Variants in ATL1 observed in about 807,000 individuals in gnomAD.
ATL1 encodes the protein atlastin GTPase 1.
ATL1 carries 31 observed loss-of-function variants against 75.5 expected under a neutral mutation model. The observed-to-expected ratio is 0.41, with a 90% CI of 0.31 to 0.55. The LOEUF (loss-of-function observed/expected upper bound fraction) is 0.55. ATL1 is among the 20% of genes least tolerant of loss of function. The pLI, the probability that ATL1 is intolerant of heterozygous loss-of-function variation, is 0.27. For missense variants in ATL1, 405 were observed against 662.6 expected, an observed-to-expected ratio of 0.61 and a Z score of 4.27; for synonymous variants, 226 against 233.3, an observed-to-expected ratio of 0.97 and a Z score of 0.28.
At chr14:50,557,559 A>G (rs1471680245), upstream of ATL1, among the ~76,000 whole-genome samples, 2 of 152,238 alleles carry the variant, frequency 1.3e-5, no homozygotes, top group East Asian at 3.8e-4. Context: ...TATTGCGTAT[A>G]TGTATTATAA....
intron 6 of ATL1, among the ~76,000 whole-genome samples, chr14:50,609,612 T>G (rs966700608): frequency 2.0e-5 from 3 of 152,064 alleles, no homozygotes; most frequent in African/African-American, 7.2e-5. Context: ...TCTATAGTCC[T>G]GAATTTGAAT....
chr14:50,601,051 T>C (rs893779679), intron 6 of ATL1, among the ~76,000 whole-genome samples: 4 of 152,148 alleles, frequency 2.6e-5, no homozygotes, highest in African/African-American at 9.7e-5. Flanking sequence ...GAGGCTGCAG[T>C]GAGCTATGAT....
chr14:50,628,594 T>C, intron 12 of ATL1, 132 bp downstream of exon 12: 1 of 888,700 alleles, frequency 1.1e-6, no homozygotes, highest in Non-Finnish European at 1.8e-6. Flanking sequence ...TGTTATGACC[T>C]GCCCAGATAC....
chr14:50,567,637 T>C (rs2038917157), intron 1 of ATL1, among the ~76,000 whole-genome samples: 1 of 152,228 alleles, frequency 6.6e-6, no homozygotes, highest in Non-Finnish European at 1.5e-5. Flanking sequence ...TTATGTTCTG[T>C]TTTTTAAAAA....
chr14:50,552,945 G>T (rs1404083324), intron 1 of ATL1, among the ~76,000 whole-genome samples: 3 of 152,100 alleles, frequency 2.0e-5, no homozygotes, highest in Non-Finnish European at 2.9e-5. Context: ...ATAGACATGG[G>T]CTTAGGCAAA....
chr14:50,566,265 T>C (rs2038903035), intron 1 of ATL1, among the ~76,000 whole-genome samples: 1 of 152,132 alleles, frequency 6.6e-6, no homozygotes, highest in African/African-American at 2.4e-5. Context: ...CCCAAAGTGC[T>C]GGGATTACAG....
intron 6 of ATL1, among the ~76,000 whole-genome samples, chr14:50,611,737 C>T (rs942851999): frequency 2.6e-5 from 4 of 152,002 alleles, no homozygotes; most frequent in Admixed American, 6.6e-5. Flanking sequence ...TAAACCACAC[C>T]CTCCAGAATG....
intron 1 of ATL1, among the ~76,000 whole-genome samples, chr14:50,578,298 C>T (rs2039025281): frequency 6.6e-6 from 1 of 152,112 alleles, no homozygotes; most frequent in East Asian, 1.9e-4. Context: ...TCTCCCTCCT[C>T]TTCATTAATT....
intron 6 of ATL1, among the ~76,000 whole-genome samples, chr14:50,607,275 C>A (rs1389658236): frequency 6.6e-6 from 1 of 151,996 alleles, no homozygotes; most frequent in African/African-American, 2.4e-5. Context: ...CAAAATATGA[C>A]TTAAAAAAAC....
intron 6 of ATL1, among the ~76,000 whole-genome samples, chr14:50,598,280 G>A (rs28489683): frequency 0.015 from 2,226 of 152,174 alleles, 44 homozygotes; most frequent in African/African-American, 0.051. Flanking sequence ...ATTACAATAG[G>A]ATTTTTGTAT....
At chr14:50,583,892 T>G (rs1425506428) in intron 1 of ATL1, among the ~76,000 whole-genome samples, 1 of 152,010 alleles carries the variant, frequency 6.6e-6, no homozygotes, top group African/African-American at 2.4e-5. Context: ...TATGTGGGGG[T>G]GTGTGTTTGT....
intron 9 of ATL1, 143 bp downstream of exon 9, chr14:50,620,869 A>C (rs2039461396): frequency 1.9e-6 from 2 of 1,063,328 alleles, no homozygotes; most frequent in Admixed American, 2.5e-5. Flanking sequence ...AATCCTTTCT[A>C]AAAAGCTTTT....
chr14:50,570,357 A>G (rs1338637447), intron 1 of ATL1, among the ~76,000 whole-genome samples: 1 of 151,634 alleles, frequency 6.6e-6, no homozygotes, highest in African/African-American at 2.4e-5. Context: ...TTTCATTTCA[A>G]TTATTATATT....
At chr14:50,548,283 A>G (rs1386977416) in intron 1 of ATL1, among the ~76,000 whole-genome samples, 1 of 152,180 alleles carries the variant, frequency 6.6e-6, no homozygotes, top group Non-Finnish European at 1.5e-5. Flanking sequence ...ACAAACCCTC[A>G]GCCCATTGTA....
chr14:50,542,470 AAAAG>A (rs1352453819), intron 1 of ATL1: 1 of 152,224 alleles, frequency 6.6e-6, no homozygotes. Flanking sequence ...TTAAAAAAAT[AAAAG>A]AAAATAAAAG....
intron 1 of ATL1, among the ~76,000 whole-genome samples, chr14:50,574,937 G>GTGTCTATATATA (rs1475087119): frequency 3.5e-4 from 8 of 23,160 alleles, no homozygotes; most frequent in African/African-American, 1.5e-3. Flanking sequence ...GTGTGTGTGT[G>GTGTCTATATATA]TATATATATA....
chr14:50,629,793 T>A (rs1438045655), intron 12 of ATL1, among the ~76,000 whole-genome samples: 1 of 152,148 alleles, frequency 6.6e-6, no homozygotes, highest in Non-Finnish European at 1.5e-5. Flanking sequence ...CCTAGACTTA[T>A]GTTATGCTAA....
At chr14:50,583,627 G>A (rs2039076188) in intron 1 of ATL1, among the ~76,000 whole-genome samples, 1 of 152,174 alleles carries the variant, frequency 6.6e-6, no homozygotes, top group Non-Finnish European at 1.5e-5. Flanking sequence ...TAGCATGAAG[G>A]TACTGATTCA....
intron 1 of ATL1, among the ~76,000 whole-genome samples, chr14:50,551,589 C>T (rs2038703459): frequency 6.6e-6 from 1 of 152,036 alleles, no homozygotes; most frequent in Admixed American, 6.6e-5. Context: ...AAACTACAGA[C>T]CATTATCTCT....
Sources: gnomAD v4.1 joint callset for allele counts (sites outside exome capture counted in the v4.1 genomes callset) on GRCh38, gnomAD v4.1.1 for gene constraint, MANE v1.5 for transcripts, NCBI Gene and HGNC (gene_info 2026-07-23, HGNC 2026-07-21) for gene names.